The following USP31 variants were observed in gnomAD, a reference collection of about 807,000 sequenced individuals.
The protein encoded by USP31 is ubiquitin carboxyl-terminal hydrolase 31.
In USP31, 44 loss-of-function variants were observed where a neutral mutation model predicts 119.4. The observed-to-expected ratio is 0.37, with a 90% CI of 0.29 to 0.47. The LOEUF is 0.47. USP31 is among the 20% of genes least tolerant of loss of function. The probability of loss-of-function intolerance (pLI) is 0.99; values close to 1 mark genes in which losing one functional copy is unlikely to be tolerated. For synonymous variants in USP31, 749 were observed against 705.6 expected (o/e 1.06, Z -0.97); for missense variants, 1,643 against 1,730.2 (o/e 0.95, Z 0.89).
At chr16:23,123,312 TG>T (rs1902737646) in intron 1 of USP31, among the ~76,000 whole-genome samples, 1 of 152,082 alleles carries the variant, frequency 6.6e-6, no homozygotes, top group African/African-American at 2.4e-5. Context: ...CCGAGGTGGA[TG>T]GATCACCTGA....
intron 1 of USP31, among the ~76,000 whole-genome samples, chr16:23,109,243 T>C (rs1327331542): frequency 6.6e-6 from 1 of 152,216 alleles, no homozygotes. Context: ...CCAGTGCCCA[T>C]ATCTTGGTTT....
intron 6 of USP31, among the ~76,000 whole-genome samples, chr16:23,094,260 A>C (rs1052228913): frequency 3.9e-5 from 6 of 152,170 alleles, no homozygotes; most frequent in Non-Finnish European, 5.9e-5. Flanking sequence ...CAGCAGTCTG[A>C]GAACAAACTG....
rs189346217 is a variant in USP31 at position 23,064,559 on chromosome 16, T to A, written c.*3487A>T. The A allele has an allele frequency of 6.6e-6, 1 of 152,222 alleles. No homozygotes were observed. Among genetic ancestry groups the A allele is most frequent in the Non-Finnish European group, 1.5e-5 (1 of 68,008 alleles). The allele number at this position is 152,222 out of a possible 1,614,324, so 9.4% of individuals were successfully genotyped here. The stretch of plus-strand genomic sequence containing the variant: ...GTAGAGACAGCTCAGTCTGAAAAGG[T>A]GGATGGAAGAGTAAAATGTCTCTAA... On this transcript the variant is annotated 3_prime_UTR_variant, in exon 16 of 16. Transcript: ENST00000219689.
intron 1 of USP31, among the ~76,000 whole-genome samples, chr16:23,112,872 C>T (rs11641239): frequency 0.19 from 28,612 of 151,660 alleles, 3,461 homozygotes; most frequent in Non-Finnish European, 0.28. Context: ...CTACTAAAAA[C>T]ACAAAATTAG....
chr16:23,089,395 A>G (rs1901253792), intron 7 of USP31, among the ~76,000 whole-genome samples: 1 of 152,146 alleles, frequency 6.6e-6, no homozygotes, highest in African/African-American at 2.4e-5. Context: ...CTGCTTGTTC[A>G]TAGTCGGTCT....
Position 23,148,767 on chromosome 16 carries a change from G to A in USP31, c.504C>T (p.Pro168=), listed in dbSNP as rs1200511478. 4.6e-6 allele frequency: 7 copies of A among 1,526,562 alleles called. No individual in the cohort carries two copies. The highest frequency in any genetic ancestry group is 6.1e-6 in the Non-Finnish European group (7 of 1,142,424). The allele number at this position is 1,526,562 out of a possible 1,614,324, so 94.6% of individuals were successfully genotyped here. ...LGQYRAGRPE[P]SPDPEQPAGR... The stretch of plus-strand genomic sequence containing the variant: ...CCGCAGGCTGCTCCGGGTCAGGCGA[G>A]GGCTCGGGCCGCCCCGCCCGGTACT... Residue 168 remains proline, a synonymous_variant, in exon 1 of 16, where the codon CCC becomes CCT. Transcript: ENST00000219689.
chr16:23,144,490 C>CT (rs1403466968), intron 1 of USP31, among the ~76,000 whole-genome samples: 14 of 150,006 alleles, frequency 9.3e-5, no homozygotes, highest in Admixed American at 8.6e-4. Flanking sequence ...TTTTTTTTTC[C>CT]TTTTTTTGAG....
rs1287060019 is a variant in USP31, at chr16:23,062,046, C to T, written c.*6000G>A. On this transcript the variant is annotated 3_prime_UTR_variant, in exon 16 of 16. Transcript: ENST00000219689. The stretch of plus-strand genomic sequence containing the variant: ...TAGGAAATTTCATATTGCATTTGGA[C>T]GACTGCAACAGATATCATTATTCTG... 5 of 152,592 alleles carry T rather than the reference C, an allele frequency of 3.3e-5. No homozygotes were observed. The highest frequency in any genetic ancestry group is 1.2e-4 in the African/African-American group (5 of 41,436). 9.5% of individuals were successfully genotyped at this position (152,592 alleles called of 1,614,324 possible).
At chr16:23,073,960 G>T in intron 13 of USP31, 80 bp from the exon 14 acceptor site, 4 of 1,589,086 alleles carry the variant, frequency 2.5e-6, no homozygotes, top group Non-Finnish European at 3.4e-6. Context: ...CATCTCTTTG[G>T]CTCATCTAAT....
chr16:23,116,861 G>A (rs1902500726), intron 1 of USP31, among the ~76,000 whole-genome samples: 1 of 152,168 alleles, frequency 6.6e-6, no homozygotes, highest in South Asian at 2.1e-4. Flanking sequence ...ATGAGGACAG[G>A]AGCAAATGCC....
chr16:23,111,526 G>C (rs1902317900), intron 1 of USP31, among the ~76,000 whole-genome samples: 1 of 152,216 alleles, frequency 6.6e-6, no homozygotes, highest in Admixed American at 6.5e-5. Context: ...CTGAATGGAA[G>C]TTATCTGGTA....
chr16:23,086,583 A>T (rs1422063310), intron 9 of USP31, among the ~76,000 whole-genome samples: 2 of 152,160 alleles, frequency 1.3e-5, no homozygotes, highest in African/African-American at 4.8e-5. Context: ...ACACATGCAA[A>T]GCACGCATAT....
chr16:23,115,169 G>A (rs911695959), intron 1 of USP31, among the ~76,000 whole-genome samples: 4 of 152,054 alleles, frequency 2.6e-5, no homozygotes, highest in African/African-American at 9.7e-5. Context: ...TCTGGTATAC[G>A]TTTTTGGTCA....
intron 3 of USP31, 38 bp from the exon 4 acceptor site, chr16:23,106,343 C>T: frequency 1.9e-6 from 3 of 1,613,506 alleles, no homozygotes; most frequent in Non-Finnish European, 2.5e-6. Flanking sequence ...ACATTAAAAT[C>T]ACCCAGAACG....
At chr16:23,078,310 CAA>C (rs34288248) in intron 13 of USP31, among the ~76,000 whole-genome samples, 23,782 of 70,232 alleles carry the variant, frequency 0.34, 1,914 homozygotes, top group Admixed American at 0.42. Context: ...GACTCCGTCG[CAA>C]AAAAAAAAAA....
At chr16:23,087,265 A>AT in intron 8 of USP31, 79 bp from the exon 9 acceptor site, 1 of 1,275,800 alleles carries the variant, frequency 7.8e-7, no homozygotes, top group South Asian at 1.3e-5. Context: ...TCCAAAACAG[A>AT]TTAGAGTTAC....
chr16:23,080,203 T>C (rs766493514), intron 12 of USP31, 32 bp from the exon 13 acceptor site: 2 of 1,516,552 alleles, frequency 1.3e-6, no homozygotes, highest in Non-Finnish European at 1.8e-6. Context: ...GTTCTGGTGA[T>C]ATTTTAATGC....
At position 23,106,490 on chromosome 16, in the gene USP31, A is replaced by G; in HGVS notation, c.772-3T>C. 1 of 1,135,574 alleles carries G rather than the reference A, an allele frequency of 8.8e-7. No homozygotes were observed. The highest frequency in any genetic ancestry group is 1.2e-6 in the Non-Finnish European group (1 of 837,578). The allele number at this position is 1,135,574 out of a possible 1,614,324, so 70.3% of individuals were successfully genotyped here. A position where few individuals can be genotyped will look rare whatever the true frequency, so the allele number is the denominator to read the frequency against. On this transcript the variant is annotated splice_region_variant and splice_polypyrimidine_tract_variant and intron_variant, in intron 2 of 15. Coordinates refer to ENST00000219689, the MANE Select transcript of USP31 (RefSeq NM_020718.4). ...ATCATATCAGTCTCTGATGGTGGCT[A>G]AAAAAAAAAGAAAGTACAACTTCAC...
At chr16:23,126,635 A>T (rs1236136233) in intron 1 of USP31, among the ~76,000 whole-genome samples, 2 of 151,810 alleles carry the variant, frequency 1.3e-5, no homozygotes, top group Admixed American at 6.6e-5. Flanking sequence ...TCAAAAAAAA[A>T]AAAAAGAAAT....
Sources: allele counts gnomAD v4.1 joint callset (sites outside exome capture counted in the v4.1 genomes callset), GRCh38; gene constraint gnomAD v4.1.1; transcripts MANE v1.5; gene names NCBI Gene and HGNC (gene_info 2026-07-23, HGNC 2026-07-21).